The following SATB2 variants were observed in gnomAD, a reference collection of about 807,000 sequenced individuals.
SATB2 encodes DNA-binding protein SATB2.
In SATB2, 1 loss-of-function variant was observed where a neutral mutation model predicts 73.4. The observed-to-expected ratio is 0.01, with a 90% CI of 0.00 to 0.06. The LOEUF is 0.06. SATB2 is among the 10% of genes least tolerant of loss of function. The pLI, the probability that SATB2 is intolerant of heterozygous loss-of-function variation, is 1.00. For synonymous variants in SATB2, 397 were observed against 367.0 expected, an observed-to-expected ratio of 1.08 and a Z score of -0.93; for missense variants, 459 against 945.8, an observed-to-expected ratio of 0.49 and a Z score of 6.75.
chr2:199,275,521 C>T (rs1201715278), intron 10 of SATB2, among the ~76,000 whole-genome samples: 2 of 152,076 alleles, frequency 1.3e-5, no homozygotes, highest in African/African-American at 2.4e-5. Flanking sequence ...GTAGCATCTC[C>T]TCTTAATTCC....
chr2:199,419,367 A>C (rs1325925530), intron 3 of SATB2, among the ~76,000 whole-genome samples: 1 of 152,198 alleles, frequency 6.6e-6, no homozygotes, highest in Non-Finnish European at 1.5e-5. Flanking sequence ...AAGAGAGAGA[A>C]TTTTCTAAAT....
upstream of SATB2, among the ~76,000 whole-genome samples, chr2:199,467,780 G>T (rs1204251219): frequency 6.6e-6 from 1 of 152,062 alleles, no homozygotes; most frequent in Non-Finnish European, 1.5e-5. Flanking sequence ...CACCACGTTG[G>T]CCTAGGACAC....
intron 7 of SATB2, among the ~76,000 whole-genome samples, chr2:199,338,619 G>A (rs1688408821): frequency 6.6e-6 from 1 of 151,856 alleles, no homozygotes; most frequent in South Asian, 2.1e-4. Context: ...ATTGGTCAGG[G>A]ATGAAAGGAA....
At chr2:199,419,657 G>C (rs984418827) in intron 3 of SATB2, among the ~76,000 whole-genome samples, 8 of 152,142 alleles carry the variant, frequency 5.3e-5, no homozygotes, top group Non-Finnish European at 1.0e-4. Context: ...AATGGCACTT[G>C]TAATGAAAAC....
At position 199,302,904 on chromosome 2, in the gene SATB2, A is replaced by G. The variant is rs550144974; in HGVS notation, c.1740+5856T>C. Among the ~76,000 whole-genome samples the G allele has an allele frequency of 1.1e-4, 17 of 152,326 alleles. No individual in the cohort carries two copies. The South Asian group carries it at 3.5e-3, about 32-fold the overall frequency. ...GAAGCCACCTCAAAAATGCCAAAGC[A>G]GCTATGAAAAGTAAAAATTTCAGTC... On this transcript the variant is annotated intron_variant, in intron 10 of 10. Transcript: ENST00000417098.
intron 3 of SATB2, among the ~76,000 whole-genome samples, chr2:199,428,005 T>C (rs562051430): frequency 1.3e-5 from 2 of 152,304 alleles, no homozygotes; most frequent in South Asian, 4.1e-4. Flanking sequence ...TTGTCATTGT[T>C]TCCAGTTCAT....
rs571856459 is a variant in SATB2 at position 199,282,176 on chromosome 2, C to T, written c.1741-9504G>A. 2.4e-4 allele frequency among the ~76,000 whole-genome samples: 36 copies of T among 152,260 alleles called. No homozygotes were observed. The South Asian group carries it at 6.0e-3, about 25-fold the overall frequency. On this transcript the variant is annotated intron_variant, in intron 10 of 10. Coordinates refer to ENST00000417098, the MANE Select transcript of SATB2 (RefSeq NM_001172509.2). ...GATTACAGGCGTAAACCACTGCGCC[C>T]GGCCCATATTCTCTCTTCTTTACTT... is the stretch of plus-strand genomic sequence containing the variant.
At chr2:199,373,622 T>C (rs1387168612) in intron 5 of SATB2, among the ~76,000 whole-genome samples, 1 of 152,148 alleles carries the variant, frequency 6.6e-6, no homozygotes, top group Non-Finnish European at 1.5e-5. Flanking sequence ...TCAGAGAGTG[T>C]AAGGATTCTT....
At chr2:199,311,764 C>A (rs1400299033) in intron 9 of SATB2, among the ~76,000 whole-genome samples, 1 of 152,156 alleles carries the variant, frequency 6.6e-6, no homozygotes, top group Non-Finnish European at 1.5e-5. Flanking sequence ...GAAATCTATT[C>A]TTCCACCTCA....
intron 9 of SATB2, among the ~76,000 whole-genome samples, chr2:199,311,909 G>A (rs1046798140): frequency 1.3e-5 from 2 of 152,086 alleles, no homozygotes; most frequent in East Asian, 1.9e-4. Context: ...AAAGTGCCAC[G>A]CAGTTGCATG....
intron 3 of SATB2, among the ~76,000 whole-genome samples, chr2:199,401,973 G>C (rs1197737266): frequency 6.6e-6 from 1 of 152,162 alleles, no homozygotes; most frequent in Non-Finnish European, 1.5e-5. Flanking sequence ...AGAAGTAAAA[G>C]GCAGAGATAC....
In SATB2 at chr2:199,407,136, C is replaced by T. The variant is rs542884771; in HGVS notation, c.347-25316G>A. On this transcript the variant is annotated intron_variant, in intron 3 of 10. Coordinates refer to ENST00000417098, the MANE Select transcript of SATB2 (RefSeq NM_001172509.2). ...AGGAGTTCAGGACCAACCTGGCCAA[C>T]ATGGTGAAACCTCATCTCTACCAAA... Among the ~76,000 whole-genome samples, 16 of 151,868 alleles carry T rather than the reference C, an allele frequency of 1.1e-4. 1 individual carries two copies. The highest frequency in any genetic ancestry group is 1.8e-4 in the Non-Finnish European group (12 of 67,912).
upstream of SATB2, chr2:199,458,827 C>A: frequency 3.0e-6 from 1 of 329,786 alleles, no homozygotes; most frequent in South Asian, 2.1e-5. Flanking sequence ...CGAGCTCCCC[C>A]TCCGCGCCGA....
At chr2:199,274,016 T>C (rs1692238486) in intron 10 of SATB2, among the ~76,000 whole-genome samples, 1 of 152,212 alleles carries the variant, frequency 6.6e-6, no homozygotes, top group Admixed American at 6.5e-5. Context: ...ATGTGTCATG[T>C]TGGCTCCAAA....
In SATB2 at chr2:199,349,106, T is replaced by C; in HGVS notation, c.768A>G (p.Pro256=). The C allele has an allele frequency of 3.7e-6, 6 of 1,614,088 alleles. No individual in the cohort carries two copies. The highest frequency in any genetic ancestry group is 5.1e-6 in the Non-Finnish European group (6 of 1,179,978). Residue 256 remains proline (P), a synonymous_variant, in exon 7 of 11, where the codon CCA becomes CCG. Coordinates refer to ENST00000417098, the MANE Select transcript of SATB2 (RefSeq NM_001172509.2). ...CVLGQRPMHL[P]NMNQLASLGK... ...CCAGGGATGCCAGCTGGTTCATATT[T>C]GGTAAATGCATTGGACGCTGGCCCA...
chr2:199,272,285 T>A lies in SATB2; in HGVS notation c.2128A>T (p.Met710Leu). 3 of 1,614,192 alleles carry A rather than the reference T, an allele frequency of 1.9e-6. No individual in the cohort carries two copies. Among genetic ancestry groups the A allele is most frequent in the Non-Finnish European group, 2.5e-6 (3 of 1,180,026 alleles). The change falls in exon 11 of 11, where the codon ATG (methionine) becomes TTG (leucine). Residue 710 changes from methionine (M) to leucine (L), a missense_variant. Physicochemically the swap from Met to Leu is conservative, Grantham distance 15 (BLOSUM62 2). This residue lies in a region of SATB2 where 41 missense variants were observed against 38.6 expected (regional missense o/e 1.06). Transcript: ENST00000417098. This position sits in a 1 kb window ranked among gnomAD's most constrained non-coding sequence, Gnocchi z 6.7. Reference protein sequence around the residue: ...ENDSEEGSEEMYKVEAEEENA... With the variant: ...ENDSEEGSEELYKVEAEEENA... The stretch of plus-strand genomic sequence containing the variant: ...TCCTCCTCAGCCTCCACTTTGTACA[T>A]CTCCTCGGAGCCTTCCTCGCTGTCG...
At chr2:199,432,188 C>CT (rs1364877271) in intron 3 of SATB2, among the ~76,000 whole-genome samples, 1 of 152,184 alleles carries the variant, frequency 6.6e-6, no homozygotes, top group East Asian at 1.9e-4. Context: ...AGGGTACTAC[C>CT]TGCCCTGGGA....
intron 7 of SATB2, chr2:199,348,315 G>A (rs1278414115): frequency 1.3e-5 from 2 of 159,920 alleles, no homozygotes; most frequent in Non-Finnish European, 2.7e-5. Context: ...AAAATAGATT[G>A]TCTGGGCATG....
At chr2:199,282,559 A>G (rs1410801795) in intron 10 of SATB2, among the ~76,000 whole-genome samples, 1 of 152,172 alleles carries the variant, frequency 6.6e-6, no homozygotes, top group Non-Finnish European at 1.5e-5. Flanking sequence ...TAATCTGTAA[A>G]ATCTTCCTTG....
Sources: allele counts gnomAD v4.1 joint callset (sites outside exome capture counted in the v4.1 genomes callset), GRCh38; gene constraint gnomAD v4.1.1; regional missense constraint gnomAD v4.1.1; non-coding constraint Gnocchi (gnomAD v3.1); transcripts MANE v1.5; gene names NCBI Gene and HGNC (gene_info 2026-07-23, HGNC 2026-07-21).